The following ZEB2 variants were observed in gnomAD, a reference collection of about 807,000 sequenced individuals.
ZEB2 encodes the protein zinc finger E-box binding homeobox 2.
ZEB2 carries 6 observed loss-of-function variants against 99.9 expected under a neutral mutation model. That is an observed-to-expected ratio of 0.06 (90% CI 0.03 to 0.12). The LOEUF is 0.12. Among genes scored for constraint, ZEB2 ranks in the 10% least tolerant of loss-of-function variants. The pLI is 1.00. For missense variants in ZEB2, 969 were observed against 1,502.8 expected (o/e 0.64, Z 5.87); for synonymous variants, 517 against 542.5 (o/e 0.95, Z 0.65).
In ZEB2 at chr2:144,400,415, G is replaced by T. The variant is rs1014044934; in HGVS notation, c.917-145C>A. The T allele has an allele frequency of 7.8e-6, 7 of 894,878 alleles. No individual in the cohort carries two copies. In the African/African-American group the frequency reaches 8.4e-5, roughly 11 times the overall value. 55.4% of individuals were successfully genotyped at this position (894,878 alleles called of 1,614,324 possible). ...CTAGGTACTTAGATTAGAATTATGT[G>T]ACCATAACCATTTCTGAACTTTATC... is the stretch of plus-strand genomic sequence containing the variant. On this transcript the variant is annotated intron_variant, in intron 7 of 9. Transcript: ENST00000627532.
intron 9 of ZEB2, among the ~76,000 whole-genome samples, chr2:144,395,798 C>T (rs1703221647): frequency 6.6e-6 from 1 of 151,996 alleles, no homozygotes; most frequent in Admixed American, 6.6e-5. Context: ...TGTAATTGTT[C>T]CTAATTAGTA....
chr2:144,439,611 C>T (rs754182098), intron 2 of ZEB2, among the ~76,000 whole-genome samples: 7 of 152,208 alleles, frequency 4.6e-5, no homozygotes, highest in Admixed American at 1.3e-4. Context: ...TGTAACTAAC[C>T]GAATACACAC....
intron 2 of ZEB2, among the ~76,000 whole-genome samples, chr2:144,432,801 A>G (rs565271829): frequency 1.3e-5 from 2 of 150,008 alleles, no homozygotes; most frequent in Admixed American, 6.6e-5. Flanking sequence ...CACTGGCAGA[A>G]GAGATCTTAA....
At chr2:144,401,367 CA>C in intron 6 of ZEB2, 60 bp from the exon 7 acceptor site, 1 of 1,566,062 alleles carries the variant, frequency 6.4e-7, no homozygotes. Context: ...AAATTTGTTA[CA>C]AATATTTTTA....
At chr2:144,492,836 G>A (rs1335542320) in intron 2 of ZEB2, among the ~76,000 whole-genome samples, 1 of 152,180 alleles carries the variant, frequency 6.6e-6, no homozygotes, top group African/African-American at 2.4e-5. Flanking sequence ...TTCTACATAT[G>A]ATAATGTATA....
At chr2:144,467,947 G>A (rs753380560) in intron 2 of ZEB2, among the ~76,000 whole-genome samples, 1 of 152,110 alleles carries the variant, frequency 6.6e-6, no homozygotes, top group Non-Finnish European at 1.5e-5. Context: ...TGAATGGTAG[G>A]GGCAGCAGAT....
At chr2:144,455,836 A>C (rs1704115249) in intron 2 of ZEB2, among the ~76,000 whole-genome samples, 1 of 152,098 alleles carries the variant, frequency 6.6e-6, no homozygotes, top group South Asian at 2.1e-4. Flanking sequence ...ATCTTTCCTA[A>C]TCCCAAGAAG....
In ZEB2 at chr2:144,413,924, G is replaced by T. The variant is rs546050388; in HGVS notation, c.404-8900C>A. ...AAATTGAGAGTTATTAAACCAAGAG[G>T]ATAGTGAAAGTAAAAAAAGTTCTTC... On this transcript the variant is annotated intron_variant, in intron 4 of 9. Coordinates refer to ENST00000627532, the MANE Select transcript of ZEB2 (RefSeq NM_014795.4). Among the ~76,000 whole-genome samples the T allele has an allele frequency of 3.9e-5, 6 of 152,308 alleles. No homozygotes were observed. In the East Asian group the frequency reaches 9.6e-4, roughly 24 times the overall value.
intron 4 of ZEB2, among the ~76,000 whole-genome samples, chr2:144,411,968 T>C (rs1271003722): frequency 6.6e-6 from 1 of 152,230 alleles, no homozygotes; most frequent in African/African-American, 2.4e-5. Context: ...TCCATTACTT[T>C]TTTAAAAATT....
chr2:144,396,663 G>C (rs1703234048), intron 8 of ZEB2, 71 bp from the exon 9 acceptor site: 1 of 1,529,862 alleles, frequency 6.5e-7, no homozygotes, highest in Admixed American at 1.8e-5. Flanking sequence ...TCACATAGGG[G>C]GACATTTGGA....
At chr2:144,435,079 G>T (rs1703819107) in intron 2 of ZEB2, among the ~76,000 whole-genome samples, 1 of 152,140 alleles carries the variant, frequency 6.6e-6, no homozygotes, top group East Asian at 1.9e-4. Flanking sequence ...AGTGTCTGTT[G>T]TCTTTTCTCT....
chr2:144,452,896 CTT>C (rs1704074379), intron 2 of ZEB2, among the ~76,000 whole-genome samples: 1 of 152,170 alleles, frequency 6.6e-6, no homozygotes, highest in Non-Finnish European at 1.5e-5. Context: ...TGACAAAAGC[CTT>C]TAATCTTTCC....
chr2:144,428,300 C>T (rs1703716438), intron 3 of ZEB2: 1 of 152,096 alleles, frequency 6.6e-6, no homozygotes, highest in East Asian at 1.9e-4. Flanking sequence ...TCACACTGCT[C>T]CCAAGAATCA....
At chr2:144,465,189 C>G (rs1357941999) in intron 2 of ZEB2, among the ~76,000 whole-genome samples, 1 of 152,172 alleles carries the variant, frequency 6.6e-6, no homozygotes, top group Non-Finnish European at 1.5e-5. Flanking sequence ...TCAATCATAA[C>G]TCTTTATATG....
At chr2:144,395,017 AT>A (rs1438363749) in intron 9 of ZEB2, among the ~76,000 whole-genome samples, 1 of 107,360 alleles carries the variant, frequency 9.3e-6, no homozygotes, top group African/African-American at 3.6e-5. Context: ...TTTTTTTGAG[AT>A]AGGGTCTCAC....
At chr2:144,442,242 C>G (rs1384106611) in intron 2 of ZEB2, among the ~76,000 whole-genome samples, 2 of 152,178 alleles carry the variant, frequency 1.3e-5, no homozygotes, top group Non-Finnish European at 2.9e-5. Flanking sequence ...GTACAAATCA[C>G]TTTTGTATTG....
chr2:144,394,989 CTT>C (rs869207772), intron 9 of ZEB2, among the ~76,000 whole-genome samples: 1,445 of 85,086 alleles, frequency 0.017, 10 homozygotes, highest in African/African-American at 0.047. Flanking sequence ...CTTCCCTTCG[CTT>C]TTTTTTTTTT....
intron 2 of ZEB2, among the ~76,000 whole-genome samples, chr2:144,470,814 C>T (rs1018403883): frequency 6.6e-6 from 1 of 152,070 alleles, no homozygotes; most frequent in African/African-American, 2.4e-5. Flanking sequence ...GGAACAAGAC[C>T]CCTACACTTT....
chr2:144,507,495 T>G (rs970981116), intron 2 of ZEB2: 3 of 152,220 alleles, frequency 2.0e-5, no homozygotes, highest in Non-Finnish European at 2.9e-5. Flanking sequence ...CATGAATCAT[T>G]ATGATGATTA....
Sources: gnomAD v4.1 joint callset for allele counts (sites outside exome capture counted in the v4.1 genomes callset) on GRCh38, gnomAD v4.1.1 for gene constraint, MANE v1.5 for transcripts, NCBI Gene and HGNC (gene_info 2026-07-23, HGNC 2026-07-21) for gene names.